ZNF274: variants seen among roughly 807,000 people sequenced by gnomAD.
The protein encoded by ZNF274 is zinc finger protein 274, also known as neurotrophin receptor-interacting factor homolog.
ZNF274 carries 23 observed loss-of-function variants against 42.5 expected under a neutral mutation model. The ratio of observed to expected loss-of-function variants is 0.54; its 90% confidence interval spans 0.39 to 0.77. The LOEUF (loss-of-function observed/expected upper bound fraction) is 0.77. ZNF274 is among the 30% of genes least tolerant of loss of function. ZNF274 has a pLI of 0.00. For missense variants in ZNF274, 679 were observed against 806.5 expected, an observed-to-expected ratio of 0.84 and a Z score of 1.91; for synonymous variants, 292 against 305.4, an observed-to-expected ratio of 0.96 and a Z score of 0.46.
At chr19:58,193,007 C>A (rs987193660) in intron 4 of ZNF274, among the ~76,000 whole-genome samples, 1 of 152,034 alleles carries the variant, frequency 6.6e-6, no homozygotes, top group African/African-American at 2.4e-5. Context: ...CTGAGATTAC[C>A]GTCTTTAGCT....
At chr19:58,191,739 G>A (rs2075780860) in intron 4 of ZNF274, among the ~76,000 whole-genome samples, 1 of 152,144 alleles carries the variant, frequency 6.6e-6, no homozygotes, top group South Asian at 2.1e-4. Context: ...TGAGGTGATG[G>A]GTGTCCAACT....
chr19:58,188,515 G>C (rs1276099100), intron 4 of ZNF274, among the ~76,000 whole-genome samples: 1 of 150,358 alleles, frequency 6.7e-6, no homozygotes, highest in Non-Finnish European at 1.5e-5. Flanking sequence ...CTACTTGGGA[G>C]GCTGAGGCAG....
At chr19:58,199,540 G>T (rs551780922) in intron 4 of ZNF274, among the ~76,000 whole-genome samples, 22 of 152,286 alleles carry the variant, frequency 1.4e-4, no homozygotes, top group African/African-American at 5.3e-4. Context: ...GGCCAACATG[G>T]TGAAACTCTG....
rs751735597 is a variant in ZNF274, at chr19:58,213,193, A to G, written c.*50A>G. 5 of 1,557,928 alleles carry G rather than the reference A, an allele frequency of 3.2e-6. No homozygotes were observed. Among genetic ancestry groups the G allele is most frequent in the Non-Finnish European group, 4.3e-6 (5 of 1,153,950 alleles). On this transcript the variant is annotated 3_prime_UTR_variant, in exon 8 of 8. Transcript: ENST00000617501. Reference sequence around the variant, plus strand: ...TGCCTTTTCAGCTTGACCCTGCAATATAACATGCACAGGCCTGCTTGTGAA... The same window carrying G: ...TGCCTTTTCAGCTTGACCCTGCAATGTAACATGCACAGGCCTGCTTGTGAA...
At chr19:58,188,162 T>C (rs1293332512) in intron 4 of ZNF274, among the ~76,000 whole-genome samples, 1 of 152,138 alleles carries the variant, frequency 6.6e-6, no homozygotes, top group Non-Finnish European at 1.5e-5. Flanking sequence ...AGGTTGGATT[T>C]CTAAATATGG....
At chr19:58,184,563 T>A (rs1197371964) in intron 2 of ZNF274, 1 of 154,076 alleles carries the variant, frequency 6.5e-6, no homozygotes, top group Non-Finnish European at 1.4e-5. Flanking sequence ...TCCGACCATC[T>A]CGGCCTCCCA....
chr19:58,209,445 G>C (rs2076014382), intron 5 of ZNF274: 1 of 152,638 alleles, frequency 6.6e-6, no homozygotes, highest in Non-Finnish European at 1.5e-5. Flanking sequence ...GGGCCAGGTG[G>C]AGCTGTTGTT....
intron 4 of ZNF274, chr19:58,202,441 ATC>A (rs1300602615): frequency 3.3e-5 from 5 of 152,230 alleles, no homozygotes; most frequent in African/African-American, 4.8e-5. Flanking sequence ...CAAGAAGTTA[ATC>A]TCTCTTGATT....
chr19:58,212,941 G>A lies in ZNF274; in HGVS notation c.1760G>A (p.Gly587Asp), dbSNP rs759266981. 6.2e-7 allele frequency: 1 copy of A among 1,614,000 alleles called. No individual in the cohort carries two copies. Among genetic ancestry groups the A allele is most frequent in the Non-Finnish European group, 8.5e-7 (1 of 1,179,882 alleles). ...AISQHLRTHTGAKPYKCQDCG... is the reference protein window; with the variant it reads ...AISQHLRTHTDAKPYKCQDCG... ...TCCCAGCACCTGAGGACTCACACTG[G>A]CGCTAAGCCCTACAAGTGTCAGGAC... is the stretch of plus-strand genomic sequence containing the variant. Residue 587 changes from glycine to aspartate, a missense_variant, in exon 8 of 8, where the codon GGC becomes GAC. By Grantham distance (94) the Gly-to-Asp change is moderately conservative. Transcript: ENST00000617501. This position sits in a 1 kb window ranked among gnomAD's most constrained non-coding sequence, Gnocchi z 4.6.
In ZNF274 at chr19:58,213,147, T is replaced by C; in HGVS notation, c.*4T>C. The C allele has an allele frequency of 6.3e-7, 1 of 1,596,980 alleles. No individual in the cohort carries two copies. Among genetic ancestry groups the C allele is most frequent in the Non-Finnish European group, 8.5e-7 (1 of 1,170,838 alleles). On this transcript the variant is annotated 3_prime_UTR_variant, in exon 8 of 8. Coordinates refer to ENST00000617501, the MANE Select transcript of ZNF274 (RefSeq NM_133502.3). Reference sequence around the variant, plus strand: ...GAAGAAACAGCCTACCTCATAGCTCTCAAGCCAGTTGAAGAAACCTTGCCT... The same window carrying C: ...GAAGAAACAGCCTACCTCATAGCTCCCAAGCCAGTTGAAGAAACCTTGCCT...
At position 58,211,364 on chromosome 19, in the gene ZNF274, C is replaced by T. The variant is rs2076037907; in HGVS notation, c.853-196C>T. ...ATGAAGCAAGGGCTCTGCCTCCCAG[C>T]CTGAGACCCAGACCCTGGTTTGGAC... On this transcript the variant is annotated intron_variant, in intron 6 of 7. Coordinates refer to ENST00000617501, the MANE Select transcript of ZNF274 (RefSeq NM_133502.3). This position sits in a 1 kb window ranked among gnomAD's most constrained non-coding sequence, Gnocchi z 4.8. The T allele has an allele frequency of 7.1e-6, 4 of 566,954 alleles. No individual in the cohort carries two copies. The highest frequency in any genetic ancestry group is 7.2e-5 in the South Asian group (2 of 27,800). 35.1% of individuals were successfully genotyped at this position (566,954 alleles called of 1,614,324 possible). A position where few individuals can be genotyped will look rare whatever the true frequency, so the allele number is the denominator to read the frequency against.
At chr19:58,204,022 C>T (rs2075949750) in intron 4 of ZNF274, among the ~76,000 whole-genome samples, 1 of 152,238 alleles carries the variant, frequency 6.6e-6, no homozygotes, top group African/African-American at 2.4e-5. Flanking sequence ...CGGTGGGCAC[C>T]TCCAGCCAAA....
chr19:58,185,153 C>T (rs1317593362), intron 2 of ZNF274, among the ~76,000 whole-genome samples: 1 of 149,324 alleles, frequency 6.7e-6, no homozygotes, highest in Non-Finnish European at 1.5e-5. Flanking sequence ...GGGCCGGGTG[C>T]GGTGGCTCAC....
In ZNF274 at chr19:58,212,797, A is replaced by G; in HGVS notation, c.1616A>G (p.Asp539Gly). 1 of 1,614,050 alleles carries G rather than the reference A, an allele frequency of 6.2e-7. No individual in the cohort carries two copies. The highest frequency in any genetic ancestry group is 8.5e-7 in the Non-Finnish European group (1 of 1,179,902). The change falls in exon 8 of 8, where the codon GAC becomes GGC. Residue 539 changes from aspartate to glycine, a missense_variant. Physicochemically the swap from Asp to Gly is moderately conservative, Grantham distance 94. Around this residue, in one of 2 missense-constraint regions of ZNF274, gnomAD observed 456 missense variants for 590.1 expected, o/e 0.77. Transcript: ENST00000617501. This position sits in a 1 kb window ranked among gnomAD's most constrained non-coding sequence, Gnocchi z 4.6. ...HTGERPYVCQ[D>G]CGKGFVQSSS... ...GGAGAGAGGCCCTATGTGTGTCAAG[A>G]CTGTGGGAAAGGATTTGTTCAGAGC...
chr19:58,207,166 C>T lies in ZNF274; in HGVS notation c.703C>T (p.Leu235=). ...AGAGAACTGCCAAGAGGTGGTGGCC[C>T]TGGTAGAGGGTGTGACCTGGATGTC... The part of the protein sequence containing the change: ...HPENCQEVVA[L]VEGVTWMSEE... The change falls in exon 5 of 8, where the codon CTG becomes TTG. Residue 235 remains leucine (L), a synonymous_variant. Transcript: ENST00000617501. This position sits in a 1 kb window ranked among gnomAD's most constrained non-coding sequence, Gnocchi z 5.6. The T allele has an allele frequency of 6.2e-7, 1 of 1,613,054 alleles. No homozygotes were observed. Among genetic ancestry groups the T allele is most frequent in the African/African-American group, 1.3e-5 (1 of 74,994 alleles).
At position 58,207,317 on chromosome 19, in the gene ZNF274, C is replaced by T. The variant is rs774507441; in HGVS notation, c.739+115C>T. On this transcript the variant is annotated intron_variant, in intron 5 of 7. Transcript: ENST00000617501. This position sits in a 1 kb window ranked among gnomAD's most constrained non-coding sequence, Gnocchi z 5.6. ...GGTCATGGGAAGGATTGTGTCCGCTCCATACAGACCAAGGACATCCATGTT... is the reference window on the plus strand; with the variant it reads ...GGTCATGGGAAGGATTGTGTCCGCTTCATACAGACCAAGGACATCCATGTT... 181 of 1,429,088 alleles carry T rather than the reference C, an allele frequency of 1.3e-4. No homozygotes were observed. The highest frequency in any genetic ancestry group is 1.0e-3 in the Admixed American group (37 of 35,850). The allele number at this position is 1,429,088 out of a possible 1,614,324, so 88.5% of individuals were successfully genotyped here.
intron 6 of ZNF274, 27 bp downstream of exon 6, chr19:58,210,100 G>T: frequency 6.3e-7 from 1 of 1,599,378 alleles, no homozygotes; most frequent in South Asian, 1.1e-5. Context: ...ACCCTGTTTT[G>T]GTCACAGCAT....
intron 4 of ZNF274, among the ~76,000 whole-genome samples, chr19:58,194,110 C>T (rs572632096): frequency 1.4e-4 from 22 of 151,918 alleles, no homozygotes; most frequent in Non-Finnish European, 2.2e-4. Context: ...AAAAAAATAA[C>T]AAAAATTAGC....
At chr19:58,199,276 G>T (rs2146220334) in intron 4 of ZNF274, among the ~76,000 whole-genome samples, 1 of 152,108 alleles carries the variant, frequency 6.6e-6, no homozygotes, top group Admixed American at 6.5e-5. Context: ...TGAGACAGGA[G>T]AATTGATTGA....
Sources: allele counts gnomAD v4.1 joint callset (sites outside exome capture counted in the v4.1 genomes callset), GRCh38; gene constraint gnomAD v4.1.1; regional missense constraint gnomAD v4.1.1; non-coding constraint Gnocchi (gnomAD v3.1); transcripts MANE v1.5; gene names NCBI Gene and HGNC (gene_info 2026-07-23, HGNC 2026-07-21).